FRMPD4: variants seen among roughly 807,000 people sequenced by gnomAD.
The protein encoded by FRMPD4 is FERM and PDZ domain containing 4.
Under a neutral mutation model 94.1 loss-of-function variants are expected in FRMPD4, and 22 were observed. That is an observed-to-expected ratio of 0.23 (90% CI 0.17 to 0.33). The LOEUF (loss-of-function observed/expected upper bound fraction) is 0.33, where lower values mean the gene tolerates loss of function less well. Among genes scored for constraint, FRMPD4 ranks in the 10% least tolerant of loss-of-function variants. The probability of loss-of-function intolerance (pLI) is 1.00; values close to 1 mark genes in which losing one functional copy is unlikely to be tolerated. For synonymous variants in FRMPD4, 631 were observed against 548.6 expected, an observed-to-expected ratio of 1.15 and a Z score of -2.10; for missense variants, 1,111 against 1,339.9, an observed-to-expected ratio of 0.83 and a Z score of 2.67.
chrX:12,576,410 A>G (rs2058812277), intron 2 of FRMPD4, among the ~76,000 whole-genome samples: 1 of 112,858 alleles, frequency 8.9e-6, no homozygotes, highest in Non-Finnish European at 1.9e-5. Context: ...GATCCCTGAG[A>G]TATGTCTGGG....
intron 1 of FRMPD4, among the ~76,000 whole-genome samples, chrX:12,260,454 T>C (rs771578034): frequency 5.3e-5 from 6 of 112,186 alleles, no homozygotes; most frequent in Non-Finnish European, 1.1e-4. Context: ...ACCTTCTAGG[T>C]ATAACTTTGA....
intron 2 of FRMPD4, among the ~76,000 whole-genome samples, chrX:12,584,559 A>G (rs61167660): frequency 0.04 from 4,392 of 110,846 alleles, 199 homozygotes; most frequent in African/African-American, 0.13. Flanking sequence ...ACAAAGGAGG[A>G]AAAAAAAAGA....
chrX:12,219,565 CTATT>C (rs754620811), intron 1 of FRMPD4, among the ~76,000 whole-genome samples: 4 of 111,969 alleles, frequency 3.6e-5, no homozygotes, highest in Non-Finnish European at 7.5e-5. Context: ...GCCTGGGAAA[CTATT>C]AATAATGTTT....
rs2053785691 is a variant in FRMPD4 at position 11,876,402 on chromosome X, C to T, written c.-29-1493C>T. The stretch of plus-strand genomic sequence containing the variant: ...TAAGGCTCTTTAGGAAACATCCCAC[C>T]TGTGGTTGATAACAGTTACACAATT... On this transcript the variant is annotated intron_variant, in intron 2 of 18. Coordinates refer to the FRMPD4 transcript ENST00000640291. Among the ~76,000 whole-genome samples, 3 of 109,357 alleles carry T rather than the reference C, an allele frequency of 2.7e-5. No homozygotes were observed. In the South Asian group the frequency reaches 1.2e-3, roughly 44 times the overall value. The allele number at this position is 109,357 out of a possible 115,157, so 95.0% of individuals were successfully genotyped here. A position where few individuals can be genotyped will look rare whatever the true frequency, so the allele number is the denominator to read the frequency against.
At chrX:12,296,312 A>T (rs1187121317) in intron 1 of FRMPD4, among the ~76,000 whole-genome samples, 1 of 112,198 alleles carries the variant, frequency 8.9e-6, no homozygotes, top group Non-Finnish European at 1.9e-5. Context: ...TAAGGGCAGT[A>T]GTATTTAATG....
At chrX:11,928,515 G>A (rs2054102010) in intron 3 of FRMPD4, among the ~76,000 whole-genome samples, 1 of 112,287 alleles carries the variant, frequency 8.9e-6, no homozygotes, top group Non-Finnish European at 1.9e-5. Context: ...TGGGGATTAT[G>A]AGAACTACAA....
intron 3 of FRMPD4, among the ~76,000 whole-genome samples, chrX:12,611,271 T>C (rs1040743143): frequency 8.9e-6 from 1 of 112,145 alleles, no homozygotes; most frequent in Admixed American, 9.4e-5. Context: ...GGAATTATCT[T>C]CCATGCCCTT....
chrX:12,070,035 G>A (rs927812259), intron 3 of FRMPD4, among the ~76,000 whole-genome samples: 1 of 111,590 alleles, frequency 9.0e-6, no homozygotes, highest in African/African-American at 3.3e-5. Context: ...GAGCTAGTGG[G>A]GAATGTGGGA....
chrX:12,350,971 C>A (rs747743529), intron 1 of FRMPD4, among the ~76,000 whole-genome samples: 2 of 111,531 alleles, frequency 1.8e-5, no homozygotes, highest in Non-Finnish European at 1.9e-5. Flanking sequence ...GTCAGGAAAT[C>A]GAGACCATCC....
intron 3 of FRMPD4, among the ~76,000 whole-genome samples, chrX:11,920,993 T>G (rs770324917): frequency 1.8e-5 from 2 of 112,238 alleles, no homozygotes; most frequent in Non-Finnish European, 3.8e-5. Flanking sequence ...TTCCCCAACT[T>G]CGGTGCTGTA....
chrX:12,068,502 A>T (rs1205988656), intron 3 of FRMPD4, among the ~76,000 whole-genome samples: 5 of 112,066 alleles, frequency 4.5e-5, no homozygotes, highest in Non-Finnish European at 9.4e-5. Context: ...AACACAGCAG[A>T]TCTATTGACA....
intron 2 of FRMPD4, chrX:12,583,667 C>T: frequency 2.7e-6 from 1 of 369,257 alleles, no homozygotes; most frequent in Non-Finnish European, 4.8e-6. Context: ...CGCGCCCCGC[C>T]GCCCTGTCTG....
rs980864541 is a variant in FRMPD4, at chrX:12,479,473, T to C, written c.42-19207T>C. On this transcript the variant is annotated intron_variant, in intron 1 of 16. Transcript: ENST00000675598. ...ATATATATGTATATATGTATATATA[T>C]GTATATACATATATATACGTATATA... Among the ~76,000 whole-genome samples the C allele has an allele frequency of 8.8e-5, 9 of 102,814 alleles. No individual in the cohort carries two copies. In the East Asian group the frequency reaches 8.8e-4, roughly 10 times the overall value. The allele number at this position is 102,814 out of a possible 115,157, so 89.3% of individuals were successfully genotyped here.
At chrX:12,194,543 AAGG>A (rs1471168778) in intron 1 of FRMPD4, among the ~76,000 whole-genome samples, 1 of 111,723 alleles carries the variant, frequency 9.0e-6, no homozygotes, top group Non-Finnish European at 1.9e-5. Flanking sequence ...GTTGGGGATG[AAGG>A]AGGAAGTTTG....
At chrX:11,968,112 C>A (rs2054321038) in intron 3 of FRMPD4, among the ~76,000 whole-genome samples, 1 of 110,629 alleles carries the variant, frequency 9.0e-6, no homozygotes, top group Non-Finnish European at 1.9e-5. Context: ...AGTCTTTCTG[C>A]AGGAGGGGAA....
At chrX:12,059,636 C>T (rs955221126) in intron 3 of FRMPD4, among the ~76,000 whole-genome samples, 2 of 107,931 alleles carry the variant, frequency 1.9e-5, no homozygotes, top group African/African-American at 6.8e-5. Flanking sequence ...CCATAGTAGT[C>T]CCCAGTGTCG....
intron 1 of FRMPD4, among the ~76,000 whole-genome samples, chrX:12,299,604 C>G (rs762363750): frequency 9.1e-6 from 1 of 110,044 alleles, no homozygotes; most frequent in South Asian, 4.0e-4. Context: ...CAAGACACTT[C>G]TCTATCTCAA....
chrX:12,607,389 C>T (rs191456403), intron 2 of FRMPD4, among the ~76,000 whole-genome samples: 287 of 111,880 alleles, frequency 2.6e-3, no homozygotes, highest in Non-Finnish European at 3.6e-3. Context: ...GGTGGTGAGA[C>T]ACTGGGGATA....
chrX:12,228,806 G>C (rs2056951692), intron 1 of FRMPD4, among the ~76,000 whole-genome samples: 1 of 112,103 alleles, frequency 8.9e-6, no homozygotes, highest in Admixed American at 9.5e-5. Flanking sequence ...CAAGGTAGGT[G>C]ACCATTGGAT....
Sources: gnomAD v4.1 joint callset for allele counts (sites outside exome capture counted in the v4.1 genomes callset) on GRCh38, gnomAD v4.1.1 for gene constraint, MANE v1.5 for transcripts, NCBI Gene and HGNC (gene_info 2026-07-23, HGNC 2026-07-21) for gene names.